The following ESRRG variants were observed in gnomAD, a reference collection of about 807,000 sequenced individuals.
The protein encoded by ESRRG is estrogen-related receptor gamma.
Under a neutral mutation model 44.0 loss-of-function variants are expected in ESRRG, and 13 were observed. That is an observed-to-expected ratio of 0.30 (90% CI 0.19 to 0.47). ESRRG has a LOEUF of 0.47. Ranked by LOEUF, ESRRG falls within the 20% of genes least tolerant of loss-of-function variation. The pLI is 1.00. For synonymous variants in ESRRG, 215 were observed against 214.6 expected (o/e 1.00, Z -0.02); for missense variants, 395 against 580.6 (o/e 0.68, Z 3.29).
chr1:216,560,390 T>A (rs1419192246), intron 5 of ESRRG, among the ~76,000 whole-genome samples: 1 of 152,180 alleles, frequency 6.6e-6, no homozygotes, highest in Non-Finnish European at 1.5e-5. Flanking sequence ...AGACAATTTT[T>A]TCTAAAATGC....
At chr1:216,534,401 G>C (rs957492362) in intron 5 of ESRRG, among the ~76,000 whole-genome samples, 1 of 152,144 alleles carries the variant, frequency 6.6e-6, no homozygotes, top group East Asian at 1.9e-4. Context: ...TATATGAGAT[G>C]TTATTCCTGG....
intron 2 of ESRRG, among the ~76,000 whole-genome samples, chr1:216,808,202 GAT>G (rs1481598127): frequency 6.6e-6 from 1 of 152,054 alleles, no homozygotes; most frequent in Non-Finnish European, 1.5e-5. Flanking sequence ...GATTCGTGCT[GAT>G]AAGAAAATGT....
At position 216,818,174 on chromosome 1, in the gene ESRRG, C is replaced by A. The variant is rs554562385; in HGVS notation, c.-14+121408G>T. On this transcript the variant is annotated intron_variant, in intron 2 of 7. Transcript: ENST00000359162. Reference sequence around the variant, plus strand: ...ATCCCACTAAAACCTCCTGAAACAGCTTTTTGGGAAGAAGAAAAGTTGTCA... The same window carrying A: ...ATCCCACTAAAACCTCCTGAAACAGATTTTTGGGAAGAAGAAAAGTTGTCA... 1.4e-3 allele frequency among the ~76,000 whole-genome samples: 206 copies of A among 152,214 alleles called. 1 individual carries two copies. The highest frequency in any genetic ancestry group is 2.3e-3 in the Non-Finnish European group (158 of 68,010).
At chr1:216,675,024 C>T (rs2075845869) in intron 2 of ESRRG, among the ~76,000 whole-genome samples, 1 of 152,100 alleles carries the variant, frequency 6.6e-6, no homozygotes, top group Non-Finnish European at 1.5e-5. Context: ...CTAAAATATT[C>T]AGTGCAACTG....
At chr1:216,566,543 T>C (rs2059710391) in intron 4 of ESRRG, among the ~76,000 whole-genome samples, 1 of 152,198 alleles carries the variant, frequency 6.6e-6, no homozygotes, top group Non-Finnish European at 1.5e-5. Context: ...TCATTTTTCT[T>C]TCAGTAGAGG....
rs539857262 is a variant in ESRRG at position 216,534,633 on chromosome 1, T to C, written c.863-15212A>G. ...ACTCATTTTGGAATGTAGGAGTTCA[T>C]GTAGCCGAATAACTGATGCAACTAT... is the stretch of plus-strand genomic sequence containing the variant. On this transcript the variant is annotated intron_variant, in intron 5 of 6. Coordinates refer to ENST00000408911, the MANE Select transcript of ESRRG (RefSeq NM_001438.4). Among the ~76,000 whole-genome samples, 34 of 152,324 alleles carry C rather than the reference T, an allele frequency of 2.2e-4. 1 individual carries two copies. In the South Asian group the frequency reaches 7.0e-3, roughly 32 times the overall value.
At chr1:216,667,685 CAAAAAA>C (rs67275285) in intron 2 of ESRRG, among the ~76,000 whole-genome samples, 2 of 66,232 alleles carry the variant, frequency 3.0e-5, no homozygotes, top group South Asian at 7.3e-4. Context: ...GACTCCATCT[CAAAAAA>C]AAAAAAAAAA....
chr1:216,618,290 G>A (rs759553421), intron 3 of ESRRG, among the ~76,000 whole-genome samples: 28 of 152,300 alleles, frequency 1.8e-4, no homozygotes, highest in South Asian at 4.1e-4. Context: ...ATAGTGGGGC[G>A]AGTTGCACTG....
intron 2 of ESRRG, among the ~76,000 whole-genome samples, chr1:216,924,987 T>C (rs2062342398): frequency 6.6e-6 from 1 of 152,188 alleles, no homozygotes; most frequent in African/African-American, 2.4e-5. Flanking sequence ...CTGTATCATC[T>C]GCTACTATTT....
intron 1 of ESRRG, among the ~76,000 whole-genome samples, chr1:216,963,534 A>C (rs2818780): frequency 0.52 from 78,370 of 151,964 alleles, 21,929 homozygotes; most frequent in Middle Eastern, 0.7. Flanking sequence ...AGAGCATTTG[A>C]TGGCTTCCTC....
chr1:216,640,489 GA>G (rs1372681581), intron 3 of ESRRG, among the ~76,000 whole-genome samples: 149 of 4,838 alleles, frequency 0.031, 1 homozygote, highest in African/African-American at 0.15. Context: ...CTAAGTGAGG[GA>G]GAGAGAGAGA....
chr1:217,059,810 G>A (rs12734993), intron 1 of ESRRG, among the ~76,000 whole-genome samples: 16,594 of 151,996 alleles, frequency 0.11, 1,160 homozygotes, highest in Non-Finnish European at 0.14. Flanking sequence ...AGGTCAAATG[G>A]CTCTGGACCC....
intron 2 of ESRRG, among the ~76,000 whole-genome samples, chr1:216,850,372 G>C (rs1244484833): frequency 2.6e-5 from 4 of 151,970 alleles, no homozygotes; most frequent in Admixed American, 1.3e-4. Flanking sequence ...ATTAGTTAAA[G>C]AACTCTTAGT....
At chr1:216,737,877 T>A (rs2090161381) in intron 2 of ESRRG, among the ~76,000 whole-genome samples, 1 of 151,950 alleles carries the variant, frequency 6.6e-6, no homozygotes, top group African/African-American at 2.4e-5. Context: ...GATGCAAGTA[T>A]AAGAAAATAT....
At chr1:216,629,143 C>A (rs760560440) in intron 3 of ESRRG, among the ~76,000 whole-genome samples, 1 of 152,190 alleles carries the variant, frequency 6.6e-6, no homozygotes. Flanking sequence ...CTTCAAACTC[C>A]TGTTCACCTA....
intron 1 of ESRRG, among the ~76,000 whole-genome samples, chr1:216,958,579 G>A (rs939907980): frequency 6.6e-6 from 1 of 152,090 alleles, no homozygotes; most frequent in Admixed American, 6.6e-5. Context: ...TCTGTGAGGT[G>A]TTTGTTCAAG....
chr1:216,549,166 C>T (rs1195561370), intron 5 of ESRRG, among the ~76,000 whole-genome samples: 1 of 151,780 alleles, frequency 6.6e-6, no homozygotes, highest in Non-Finnish European at 1.5e-5. Context: ...CTGGAGAAGG[C>T]AAATAACTTT....
At chr1:216,516,982 G>C (rs749856488) in intron 6 of ESRRG, among the ~76,000 whole-genome samples, 1 of 152,144 alleles carries the variant, frequency 6.6e-6, no homozygotes, top group Non-Finnish European at 1.5e-5. Context: ...CAACACAGTA[G>C]AGGTGGCACA....
At chr1:217,011,585 C>T (rs886316420) in intron 1 of ESRRG, among the ~76,000 whole-genome samples, 6 of 151,596 alleles carry the variant, frequency 4.0e-5, no homozygotes, top group Admixed American at 2.0e-4. Context: ...AAAAACTTCA[C>T]TCCTCGTTTC....
Sources: gnomAD v4.1 joint callset for allele counts (sites outside exome capture counted in the v4.1 genomes callset) on GRCh38, gnomAD v4.1.1 for gene constraint, MANE v1.5 for transcripts, NCBI Gene and HGNC (gene_info 2026-07-23, HGNC 2026-07-21) for gene names.